The following RPH3AL variants were observed in gnomAD, a reference collection of about 807,000 sequenced individuals.
RPH3AL encodes rabphilin 3A like (without C2 domains).
Under a neutral mutation model 43.1 loss-of-function variants are expected in RPH3AL, and 38 were observed. The ratio of observed to expected loss-of-function variants is 0.88; its 90% confidence interval spans 0.68 to 1.15. The LOEUF is 1.15. Among genes scored for constraint, RPH3AL ranks in the 50% most tolerant of loss-of-function variants. The probability of loss-of-function intolerance (pLI) is 0.00; values close to 1 mark genes in which losing one functional copy is unlikely to be tolerated. For synonymous variants in RPH3AL, 189 were observed against 176.3 expected (o/e 1.07, Z -0.57); for missense variants, 462 against 423.2 (o/e 1.09, Z -0.81).
intron 6 of RPH3AL, among the ~76,000 whole-genome samples, chr17:248,209 A>C (rs1555540981): frequency 6.6e-6 from 1 of 152,142 alleles, no homozygotes; most frequent in Non-Finnish European, 1.5e-5. Flanking sequence ...AGCTGTCCCA[A>C]GTCCCCTCTC....
At chr17:303,268 G>A (rs1598051220) in intron 5 of RPH3AL, among the ~76,000 whole-genome samples, 2 of 152,210 alleles carry the variant, frequency 1.3e-5, no homozygotes, top group East Asian at 3.9e-4. Context: ...GCGCACACCT[G>A]TAGTCCCAGC....
At position 245,594 on chromosome 17, in the gene RPH3AL, C is replaced by T. The variant is rs116667140; in HGVS notation, c.613+1517G>A. ...CCTCTCCGGCTCAACTGGCTCCAAG[C>T]AGCATTTTAAACCCACAGGTGTCCA... On this transcript the variant is annotated intron_variant, in intron 7 of 9. Coordinates refer to ENST00000331302, the MANE Select transcript of RPH3AL (RefSeq NM_006987.4). The surrounding 1 kb of genome is among the most constrained non-coding windows in gnomAD (Gnocchi z 5.9). Among the ~76,000 whole-genome samples the T allele has an allele frequency of 2.3e-3, 345 of 152,212 alleles. 1 individual carries two copies. The highest frequency in any genetic ancestry group is 7.9e-3 in the African/African-American group (327 of 41,518).
chr17:271,996 C>G (rs1430129434), intron 6 of RPH3AL, among the ~76,000 whole-genome samples: 1 of 152,158 alleles, frequency 6.6e-6, no homozygotes, highest in Non-Finnish European at 1.5e-5. Flanking sequence ...CCAAAAAACA[C>G]ATGAAAAAAT....
chr17:317,316 G>T (rs373978223), intron 5 of RPH3AL, among the ~76,000 whole-genome samples: 2 of 148,194 alleles, frequency 1.3e-5, no homozygotes, highest in African/African-American at 5.1e-5. Context: ...TTGACCTTTA[G>T]TCCATGTGCC....
chr17:258,352 G>T (rs927554063), intron 6 of RPH3AL, among the ~76,000 whole-genome samples: 2 of 152,222 alleles, frequency 1.3e-5, no homozygotes, highest in African/African-American at 4.8e-5. Flanking sequence ...GTCGTTTGCT[G>T]CAACGTGTCT....
chr17:234,153 CTGAG>C lies in RPH3AL; in HGVS notation c.613+12954_613+12957del, dbSNP rs1190321141. ...CGGCTACTTACCCTGACCAACTTCCCTGAGCAGGGAGCGGCTACTTACCCTGACC... is the reference window on the plus strand; with the variant it reads ...CGGCTACTTACCCTGACCAACTTCCCCAGGGAGCGGCTACTTACCCTGACC... On this transcript the variant is annotated intron_variant, in intron 7 of 9. Transcript: ENST00000331302. Among the ~76,000 whole-genome samples the C allele has an allele frequency of 3.0e-3, 12 of 4,046 alleles. 4 individuals carry two copies. The highest frequency in any genetic ancestry group is 5.8e-3 in the African/African-American group (5 of 864). 2.7% of individuals were successfully genotyped at this position (4,046 alleles called of 152,430 possible). A position where few individuals can be genotyped will look rare whatever the true frequency, so the allele number is the denominator to read the frequency against.
At chr17:313,763 T>C (rs933448648) in intron 5 of RPH3AL, among the ~76,000 whole-genome samples, 2 of 152,106 alleles carry the variant, frequency 1.3e-5, no homozygotes, top group African/African-American at 4.8e-5. Context: ...TTGCACACAA[T>C]GGGCTATTAT....
chr17:310,228 C>T (rs1466056419), intron 5 of RPH3AL, among the ~76,000 whole-genome samples: 4 of 152,200 alleles, frequency 2.6e-5, no homozygotes, highest in African/African-American at 4.8e-5. Context: ...GCCAGCCCCT[C>T]TCCCTTCCCA....
chr17:251,090 A>G (rs951540459), intron 6 of RPH3AL, among the ~76,000 whole-genome samples: 26 of 152,216 alleles, frequency 1.7e-4, no homozygotes, highest in African/African-American at 5.5e-4. Flanking sequence ...TTATGCTCAC[A>G]GTGCCAGGCA....
intron 8 of RPH3AL, among the ~76,000 whole-genome samples, chr17:216,946 C>A (rs186959487): frequency 6.6e-6 from 1 of 152,288 alleles, no homozygotes; most frequent in Non-Finnish European, 1.5e-5. Context: ...CAGTCTTGGT[C>A]CCAAGACAGG....
chr17:327,857 G>T (rs961038887), intron 2 of RPH3AL, among the ~76,000 whole-genome samples: 2 of 152,206 alleles, frequency 1.3e-5, no homozygotes, highest in Admixed American at 6.5e-5. Flanking sequence ...GTTAGAGTCA[G>T]AAAGGAGAGA....
chr17:304,228 C>T (rs909038992), intron 5 of RPH3AL, among the ~76,000 whole-genome samples: 1 of 151,044 alleles, frequency 6.6e-6, no homozygotes, highest in Admixed American at 6.6e-5. Flanking sequence ...TCTCAGGCAC[C>T]GTTTTAAGAG....
intron 6 of RPH3AL, among the ~76,000 whole-genome samples, chr17:272,647 C>G (rs913923524): frequency 6.7e-6 from 1 of 148,968 alleles, no homozygotes; most frequent in African/African-American, 2.5e-5. Context: ...GGAGATATAC[C>G]TAATGCTAAA....
At chr17:302,952 C>T (rs2043367127) in intron 5 of RPH3AL, among the ~76,000 whole-genome samples, 1 of 152,226 alleles carries the variant, frequency 6.6e-6, no homozygotes, top group African/African-American at 2.4e-5. Flanking sequence ...TCGCATTTCA[C>T]ACACACCTCT....
chr17:325,816 G>A (rs548132556), intron 3 of RPH3AL, among the ~76,000 whole-genome samples: 5 of 152,258 alleles, frequency 3.3e-5, no homozygotes, highest in South Asian at 2.1e-4. Context: ...GGGGAGCCCC[G>A]AGCTGCAGCC....
chr17:273,042 ACGT>A, intron 6 of RPH3AL, among the ~76,000 whole-genome samples: 3 of 110,688 alleles, frequency 2.7e-5, no homozygotes, highest in African/African-American at 5.7e-5. Context: ...AGCGAGGGCG[ACGT>A]CAGGGAGAGA....
At chr17:309,456 T>C (rs772796437) in intron 5 of RPH3AL, among the ~76,000 whole-genome samples, 555 of 16,696 alleles carry the variant, frequency 0.033, 1 homozygote, top group East Asian at 0.16. Context: ...GGCACATCCC[T>C]TGTCCAGGGC....
intron 7 of RPH3AL, among the ~76,000 whole-genome samples, chr17:236,000 CATGGGTCAAAGCTGGGGT>C: frequency 6.6e-6 from 1 of 151,148 alleles, no homozygotes; most frequent in Non-Finnish European, 1.5e-5. Flanking sequence ...AAGACGGGTC[CATGGGTCAAAGCTGGGGT>C]CGGCGGTGGC....
At chr17:284,884 C>T (rs150798909) in intron 5 of RPH3AL, among the ~76,000 whole-genome samples, 25 of 152,276 alleles carry the variant, frequency 1.6e-4, no homozygotes, top group East Asian at 3.9e-4. Flanking sequence ...CTCTTCCTGG[C>T]GTACAGACGG....
Sources: gnomAD v4.1 joint callset for allele counts (sites outside exome capture counted in the v4.1 genomes callset) on GRCh38, gnomAD v4.1.1 for gene constraint, Gnocchi (gnomAD v3.1) non-coding constraint, MANE v1.5 for transcripts, NCBI Gene and HGNC (gene_info 2026-07-23, HGNC 2026-07-21) for gene names.